Variants in CLCN6 observed in about 807,000 individuals in gnomAD.
The protein encoded by CLCN6 is Cl-/H+ antiporter 6.
In CLCN6, 70 loss-of-function variants were observed where a neutral mutation model predicts 109.8. That is an observed-to-expected ratio of 0.64 (90% CI 0.53 to 0.78). The LOEUF (loss-of-function observed/expected upper bound fraction) is 0.78. Among genes scored for constraint, CLCN6 ranks in the 30% least tolerant of loss-of-function variants. CLCN6 has a pLI of 0.00. For missense variants in CLCN6, 984 were observed against 1,142.3 expected (o/e 0.86, Z 2.00); for synonymous variants, 444 against 447.8 (o/e 0.99, Z 0.11).
intron 2 of CLCN6, among the ~76,000 whole-genome samples, chr1:11,813,565 A>G (rs1644630906): frequency 6.6e-6 from 1 of 152,000 alleles, no homozygotes; most frequent in Non-Finnish European, 1.5e-5. Flanking sequence ...TAATTTGTGT[A>G]TTTTTGGTAG....
At chr1:11,823,584 A>T in intron 6 of CLCN6, 123 bp from the exon 7 acceptor site, 1 of 1,303,216 alleles carries the variant, frequency 7.7e-7, no homozygotes, top group Non-Finnish European at 1.1e-6. Flanking sequence ...CAAGCCCTCC[A>T]GGTGACGCTC....
intron 8 of CLCN6, 31 bp downstream of exon 8, chr1:11,824,584 G>A: frequency 1.9e-6 from 3 of 1,592,874 alleles, no homozygotes; most frequent in Non-Finnish European, 1.7e-6. Context: ...GTGGGCCTCT[G>A]GGCAGGCCTA....
Position 11,840,192 on chromosome 1 carries a change from C to T in CLCN6, c.2579C>T (p.Ala860Val), listed in dbSNP as rs750419208. The T allele has an allele frequency of 5.0e-6, 8 of 1,613,510 alleles. No homozygotes were observed. The highest frequency in any genetic ancestry group is 2.2e-5 in the East Asian group (1 of 44,894). The part of the protein sequence containing the change: ...RHNLTYEFLQ[A>V]RLRQHYQTI Reference sequence around the variant, plus strand: ...AACCTCACCTATGAATTTCTGCAGGCCCGGCTGAGGCAGCACTACCAGACC... The same window carrying T: ...AACCTCACCTATGAATTTCTGCAGGTCCGGCTGAGGCAGCACTACCAGACC... Residue 860 changes from alanine (A) to valine (V), a missense_variant, in exon 23 of 23, where the codon GCC becomes GTC. Transcript: ENST00000346436.
chr1:11,818,404 C>T (rs908609457), intron 4 of CLCN6, among the ~76,000 whole-genome samples: 2 of 152,004 alleles, frequency 1.3e-5, no homozygotes, highest in Non-Finnish European at 2.9e-5. Context: ...GATGTTTAAT[C>T]AGTATAATGT....
At chr1:11,821,258 A>T (rs1052680658) in intron 5 of CLCN6, among the ~76,000 whole-genome samples, 21 of 152,106 alleles carry the variant, frequency 1.4e-4, no homozygotes, top group Non-Finnish European at 2.2e-4. Flanking sequence ...GATAATTAGT[A>T]TCCAGAATAC....
chr1:11,833,369 C>A, intron 13 of CLCN6, 146 bp from the exon 14 acceptor site: 1 of 666,116 alleles, frequency 1.5e-6, no homozygotes. Flanking sequence ...GCCCGTGTGG[C>A]TGCCGTTGGT....
At chr1:11,820,581 A>G in intron 5 of CLCN6, 1 of 476,194 alleles carries the variant, frequency 2.1e-6, no homozygotes, top group South Asian at 2.8e-5. Context: ...CCTGGCTAAC[A>G]CGGTGAAACC....
chr1:11,821,741 G>A (rs557679684), intron 5 of CLCN6, among the ~76,000 whole-genome samples: 3 of 152,282 alleles, frequency 2.0e-5, no homozygotes, highest in South Asian at 2.1e-4. Flanking sequence ...AATTTGAACC[G>A]TAGACATGTA....
chr1:11,826,177 A>G lies in CLCN6; in HGVS notation c.670A>G (p.Lys224Glu). Residue 224 changes from lysine to glutamate, a missense_variant, in exon 9 of 23, where the codon AAG becomes GAG. Lys to Glu is a moderately conservative substitution (Grantham distance 56, BLOSUM62 1). Coordinates refer to ENST00000346436, the MANE Select transcript of CLCN6 (RefSeq NM_001286.5). ...TTAGTTTCAGAGCATCTCCTTACGG[A>G]AGATCCAGTTTAACTTCCCCTATTT... ...LPQFQSISLR[K>E]IQFNFPYFRS... The G allele has an allele frequency of 1.2e-6, 2 of 1,613,864 alleles. No homozygotes were observed. Among genetic ancestry groups the G allele is most frequent in the Non-Finnish European group, 1.7e-6 (2 of 1,179,870 alleles).
At chr1:11,822,308 G>A (rs1644755817) in intron 5 of CLCN6, among the ~76,000 whole-genome samples, 1 of 152,088 alleles carries the variant, frequency 6.6e-6, no homozygotes, top group Non-Finnish European at 1.5e-5. Context: ...GCCTAGGCTG[G>A]AATGCAGTGG....
rs781211840 is a variant in CLCN6, at chr1:11,807,183, A to G, written c.140A>G (p.Asp47Gly). 3.1e-6 allele frequency: 5 copies of G among 1,614,008 alleles called. No individual in the cohort carries two copies. The African/African-American group carries it at 5.3e-5, about 17-fold the overall frequency. Reference sequence around the variant, plus strand: ...GAGGATGAGATTCTTCCAAGGAAAGACTATGAGGTGAGCTCCTTTGATACT... The same window carrying G: ...GAGGATGAGATTCTTCCAAGGAAAGGCTATGAGGTGAGCTCCTTTGATACT... Reference protein sequence around the residue: ...EEEDEILPRKDYESLDYDRCI... With the variant: ...EEEDEILPRKGYESLDYDRCI... The change falls in exon 2 of 23, where the codon GAC (aspartate) becomes GGC (glycine). Residue 47 changes from aspartate (D) to glycine (G), a missense_variant. By Grantham distance (94) the Asp-to-Gly change is moderately conservative. Transcript: ENST00000346436.
chr1:11,827,286 C>A, intron 10 of CLCN6, 65 bp downstream of exon 10: 1 of 1,521,842 alleles, frequency 6.6e-7, no homozygotes, highest in South Asian at 1.2e-5. Context: ...GTCCCTTACT[C>A]GGTACATGGA....
At chr1:11,815,061 C>A (rs1484641078) in intron 2 of CLCN6, among the ~76,000 whole-genome samples, 1 of 150,444 alleles carries the variant, frequency 6.6e-6, no homozygotes, top group Non-Finnish European at 1.5e-5. Flanking sequence ...GTGGAAGTTG[C>A]TTTTAAAAAT....
chr1:11,835,102 G>T (rs1644927923), intron 17 of CLCN6, among the ~76,000 whole-genome samples: 1 of 152,204 alleles, frequency 6.6e-6, no homozygotes, highest in Admixed American at 6.5e-5. Context: ...TTTCTGTGGA[G>T]GGCCAGACAG....
intron 22 of CLCN6, 57 bp from the exon 23 acceptor site, chr1:11,840,086 C>G (rs2100664318): frequency 7.0e-7 from 1 of 1,431,280 alleles, no homozygotes; most frequent in Non-Finnish European, 9.9e-7. Flanking sequence ...CCTGTCACTC[C>G]TGTTCTCGCC....
At chr1:11,833,437 G>T in intron 13 of CLCN6, 78 bp from the exon 14 acceptor site, 3 of 1,470,614 alleles carry the variant, frequency 2.0e-6, no homozygotes, top group Non-Finnish European at 1.9e-6. Context: ...CACCTGTTTT[G>T]GACCCGGCTG....
chr1:11,837,711 C>T (rs557933998), intron 20 of CLCN6, among the ~76,000 whole-genome samples: 11 of 152,216 alleles, frequency 7.2e-5, no homozygotes, highest in African/African-American at 2.2e-4. Flanking sequence ...GTACAAAATC[C>T]GGGTGTCACC....
rs375955075 is a variant in CLCN6 at position 11,837,518 on chromosome 1, G to T, written c.2295+19G>T. 18 of 1,609,976 alleles carry T rather than the reference G, an allele frequency of 1.1e-5. No individual in the cohort carries two copies. Among genetic ancestry groups the T allele is most frequent in the Non-Finnish European group, 1.4e-5 (17 of 1,176,848 alleles). On this transcript the variant is annotated intron_variant, in intron 20 of 22. Transcript: ENST00000346436. The stretch of plus-strand genomic sequence containing the variant: ...CCAGTCGGTAAGTCTCTCCGAGGCA[G>T]AAATCAGCCAGGCCAGACCTGACGA...
At chr1:11,816,487 C>T (rs1456118999) in intron 3 of CLCN6, 128 bp from the exon 4 acceptor site, 2 of 840,488 alleles carry the variant, frequency 2.4e-6, no homozygotes, top group Non-Finnish European at 3.8e-6. Context: ...ACCTGAAATC[C>T]CAACATCATC....
Sources: gnomAD v4.1 joint callset for allele counts (sites outside exome capture counted in the v4.1 genomes callset) on GRCh38, gnomAD v4.1.1 for gene constraint, MANE v1.5 for transcripts, NCBI Gene and HGNC (gene_info 2026-07-23, HGNC 2026-07-21) for gene names.